ZFC3H1: variants seen among roughly 807,000 people sequenced by gnomAD.
ZFC3H1 encodes the protein zinc finger C3H1-type containing.
In ZFC3H1, 71 loss-of-function variants were observed where a neutral mutation model predicts 243.7. The ratio of observed to expected loss-of-function variants is 0.29; its 90% CI spans 0.24 to 0.36. The LOEUF (loss-of-function observed/expected upper bound fraction) is 0.36, where lower values mean the gene tolerates loss of function less well. Ranked by LOEUF, ZFC3H1 falls within the 10% of genes least tolerant of loss-of-function variation. The pLI, the probability that ZFC3H1 is intolerant of heterozygous loss-of-function variation, is 1.00. For missense variants in ZFC3H1, 1,966 were observed against 2,317.1 expected, an observed-to-expected ratio of 0.85 and a Z score of 3.11; for synonymous variants, 838 against 813.0, an observed-to-expected ratio of 1.03 and a Z score of -0.52.
chr12:71,619,493 A>C, intron 26 of ZFC3H1, 84 bp from the exon 27 acceptor site: 2 of 1,313,198 alleles, frequency 1.5e-6, no homozygotes, highest in Non-Finnish European at 1.1e-6. Flanking sequence ...AAGCCTTAAA[A>C]AAGTACTCAT....
At chr12:71,638,284 G>A (rs958871159) in intron 7 of ZFC3H1, 134 bp downstream of exon 7, 21 of 811,364 alleles carry the variant, frequency 2.6e-5, no homozygotes, top group African/African-American at 8.8e-5. Flanking sequence ...TTTATTCTAC[G>A]TATTTCATTG....
Position 71,644,983 on chromosome 12 carries a change from C to T in ZFC3H1, c.1173G>A (p.Gln391=), listed in dbSNP as rs373107763. 8.9e-5 allele frequency: 144 copies of T among 1,613,532 alleles called. No individual in the cohort carries two copies. The highest frequency in any genetic ancestry group is 1.2e-4 in the Non-Finnish European group (140 of 1,180,030). ...SASKKWQQKE[Q]QVMKESKEKL... ...TTTCTTTGCTTTCTTTCATCACCTG[C>T]TGTTCTTTTTGTTGCCATTTTTTAC... The change falls in exon 4 of 35, where the codon CAG becomes CAA. Residue 391 remains glutamine, a synonymous_variant. Transcript: ENST00000378743.
chr12:71,641,406 T>A (rs900921417), intron 6 of ZFC3H1, among the ~76,000 whole-genome samples: 1 of 152,224 alleles, frequency 6.6e-6, no homozygotes, highest in African/African-American at 2.4e-5. Context: ...CAGTTTTGAT[T>A]TGGTCTCACT....
At chr12:71,655,296 A>T (rs1448945977) in intron 2 of ZFC3H1, among the ~76,000 whole-genome samples, 1 of 152,164 alleles carries the variant, frequency 6.6e-6, no homozygotes, top group Non-Finnish European at 1.5e-5. Context: ...ACATACTTCC[A>T]AGCAGCCTAC....
chr12:71,615,967 C>T (rs1879885065), intron 27 of ZFC3H1, among the ~76,000 whole-genome samples: 1 of 152,054 alleles, frequency 6.6e-6, no homozygotes, highest in Admixed American at 6.6e-5. Flanking sequence ...TGAAATTTTC[C>T]AATGAAATCT....
chr12:71,628,962 C>T lies in ZFC3H1; in HGVS notation c.3902G>A (p.Ser1301Asn), dbSNP rs1240492924. Residue 1301 changes from serine to asparagine, a missense_variant, in exon 20 of 35, where the codon AGC becomes AAC. Coordinates refer to ENST00000378743, the MANE Select transcript of ZFC3H1 (RefSeq NM_144982.5). ...AGACTGTTCCTCATCACTACTGAAG[C>T]TATTATCTGAAATAGGTTTTCTCCA... ...KFWRKPISDN[S>N]FSSDEEQSTG... The T allele has an allele frequency of 1.9e-6, 3 of 1,613,006 alleles. No homozygotes were observed. Among genetic ancestry groups the T allele is most frequent in the Non-Finnish European group, 2.5e-6 (3 of 1,179,752 alleles).
At chr12:71,629,570 C>G (rs1880266609) in intron 19 of ZFC3H1, 39 bp downstream of exon 19, 1 of 1,198,208 alleles carries the variant, frequency 8.3e-7, no homozygotes, top group African/African-American at 1.5e-5. Context: ...CACACACACA[C>G]ACACACACAC....
Position 71,663,401 on chromosome 12 carries a change from A to G in ZFC3H1, c.210T>C (p.Gly70=). 1.2e-6 allele frequency: 2 copies of G among 1,611,876 alleles called. No homozygotes were observed. Among genetic ancestry groups the G allele is most frequent in the Non-Finnish European group, 1.7e-6 (2 of 1,180,002 alleles). ...SARGGGSGGG[G]GSSSSSSSSQ... ...AAGAGGACGATGACGAGGAAGAGCC[A>G]CCGCCTCCGCCAGATCCACCGCCCC... Residue 70 remains glycine, a synonymous_variant, in exon 1 of 35, where the codon GGT becomes GGC. Coordinates refer to ENST00000378743, the MANE Select transcript of ZFC3H1 (RefSeq NM_144982.5).
At chr12:71,619,874 C>A in intron 26 of ZFC3H1, 52 bp downstream of exon 26, 1 of 1,530,984 alleles carries the variant, frequency 6.5e-7, no homozygotes, top group Non-Finnish European at 8.8e-7. Flanking sequence ...AGGCCAATAG[C>A]AAAATTTGAA....
chr12:71,660,798 T>A (rs1011146631), intron 1 of ZFC3H1, among the ~76,000 whole-genome samples: 3 of 152,056 alleles, frequency 2.0e-5, no homozygotes, highest in African/African-American at 7.2e-5. Context: ...TAATACAAAC[T>A]ACAGGTTTCA....
chr12:71,658,252 C>T (rs1881071625), intron 1 of ZFC3H1, among the ~76,000 whole-genome samples: 1 of 151,272 alleles, frequency 6.6e-6, no homozygotes, highest in Non-Finnish European at 1.5e-5. Flanking sequence ...AAAGACAGTA[C>T]CTCCTGTGGT....
At chr12:71,619,782 G>A in intron 26 of ZFC3H1, 144 bp downstream of exon 26, 2 of 708,106 alleles carry the variant, frequency 2.8e-6, no homozygotes, top group South Asian at 2.0e-5. Flanking sequence ...ACAAAGCACT[G>A]TACTAAGTGC....
Position 71,633,032 on chromosome 12 carries a change from A to G in ZFC3H1, c.2686-15T>C, listed in dbSNP as rs532594632. 2.5e-6 allele frequency: 4 copies of G among 1,573,712 alleles called. No homozygotes were observed. The South Asian group carries it at 4.8e-5, about 19-fold the overall frequency. On this transcript the variant is annotated splice_polypyrimidine_tract_variant and intron_variant, in intron 13 of 34. Transcript: ENST00000378743. ...ACTCTGTGAATCTGAAAAATATAGAATAATCCTGAAAATGTAAATGAAAAC... is the reference window on the plus strand; with the variant it reads ...ACTCTGTGAATCTGAAAAATATAGAGTAATCCTGAAAATGTAAATGAAAAC...
rs780843726 is a variant in ZFC3H1 at position 71,624,053 on chromosome 12, CT to C, written c.4506+50del. 8.4e-6 allele frequency: 13 copies of C among 1,542,110 alleles called. No homozygotes were observed. In the African/African-American group the frequency reaches 1.7e-4, roughly 20 times the overall value. On this transcript the variant is annotated intron_variant, in intron 23 of 34. Transcript: ENST00000378743. ...TAATGCTATGGATAACGGTGTAGAC[CT>C]TTTAAACTTTTTCTGCAAAATGCAA...
intron 32 of ZFC3H1, 184 bp from the exon 33 acceptor site, chr12:71,611,281 C>A: frequency 1.7e-4 from 62 of 364,954 alleles, no homozygotes; most frequent in East Asian, 2.7e-4. Flanking sequence ...AAAAATTCAA[C>A]AATTTTTATC....
rs1288146259 is a variant in ZFC3H1, at chr12:71,638,408, T to A, written c.1725+10A>T. 4.4e-6 allele frequency: 7 copies of A among 1,608,720 alleles called. No homozygotes were observed. The highest frequency in any genetic ancestry group is 5.9e-6 in the Non-Finnish European group (7 of 1,177,640). On this transcript the variant is annotated intron_variant, in intron 7 of 34. Transcript: ENST00000378743. ...CAAAATAATTTTCTTAGAAATCAAT[T>A]CTGACTTACAGAAACCTGAGGTGGT...
rs370253670 is a variant in ZFC3H1, at chr12:71,647,618, C to A, written c.1080+131G>T. ...TCCAGAATTTCTTTAAGGCTTATGTCCAAATGGAGTTATAGGAATGATGAA... is the reference window on the plus strand; with the variant it reads ...TCCAGAATTTCTTTAAGGCTTATGTACAAATGGAGTTATAGGAATGATGAA... On this transcript the variant is annotated intron_variant, in intron 3 of 34. Transcript: ENST00000378743. The A allele has an allele frequency of 3.3e-4, 180 of 551,716 alleles. 4 individuals are homozygous for A. In the South Asian group the frequency reaches 3.4e-3, roughly 10 times the overall value. The allele number at this position is 551,716 out of a possible 1,614,324, so 34.2% of individuals were successfully genotyped here.
chr12:71,634,592 T>C, intron 11 of ZFC3H1, 112 bp downstream of exon 11: 1 of 1,256,862 alleles, frequency 8.0e-7, no homozygotes, highest in Non-Finnish European at 1.1e-6. Context: ...ACATTAACTC[T>C]GTATCTTGGA....
chr12:71,654,132 A>G (rs2137559948), intron 2 of ZFC3H1, among the ~76,000 whole-genome samples: 2 of 152,350 alleles, frequency 1.3e-5, no homozygotes, highest in Admixed American at 1.3e-4. Flanking sequence ...CATTTTTAAA[A>G]AAAAAGTCTA....
Sources: allele counts gnomAD v4.1 joint callset (sites outside exome capture counted in the v4.1 genomes callset), GRCh38; gene constraint gnomAD v4.1.1; transcripts MANE v1.5; gene names NCBI Gene and HGNC (gene_info 2026-07-23, HGNC 2026-07-21).